TMEM204: variants seen among roughly 807,000 people sequenced by gnomAD.
TMEM204 encodes the protein transmembrane protein 204, also known as claudin-like protein 24.
Under a neutral mutation model 19.4 loss-of-function variants are expected in TMEM204, and 15 were observed. The observed-to-expected ratio is 0.77, with a 90% CI of 0.52 to 1.19. TMEM204 has a LOEUF of 1.19. TMEM204 is among the 50% of genes most tolerant of loss of function. TMEM204 has a pLI of 0.00. For missense variants in TMEM204, 287 were observed against 321.2 expected (o/e 0.89, Z 0.81); for synonymous variants, 161 against 146.0 (o/e 1.10, Z -0.74).
chr16:1,540,348 G>C (rs1473530656), intron 1 of TMEM204, among the ~76,000 whole-genome samples: 1 of 152,236 alleles, frequency 6.6e-6, no homozygotes, highest in Non-Finnish European at 1.5e-5. Flanking sequence ...TTCTAACCAC[G>C]TAAACACTCA....
intron 2 of TMEM204, among the ~76,000 whole-genome samples, chr16:1,547,698 G>A (rs75431652): frequency 6.6e-6 from 1 of 152,138 alleles, no homozygotes; most frequent in Non-Finnish European, 1.5e-5. Context: ...ACCATGCCCA[G>A]CTAATTTTTG....
chr16:1,532,648 T>C (rs1201325783), upstream of TMEM204: 1 of 152,270 alleles, frequency 6.6e-6, no homozygotes, highest in East Asian at 1.9e-4. Context: ...CTTGGGCGTG[T>C]GCCCATGAAC....
intron 1 of TMEM204, among the ~76,000 whole-genome samples, chr16:1,539,568 C>T (rs2031422372): frequency 6.6e-6 from 1 of 152,258 alleles, no homozygotes; most frequent in Non-Finnish European, 1.5e-5. Context: ...CTCTCAGCCC[C>T]CGCGTCTTCT....
rs1663151295 is a variant in TMEM204, at chr16:1,534,177, G to C, written c.-99G>C. On this transcript the variant is annotated 5_prime_UTR_variant, in exon 1 of 3. The change abolishes an upstream ATG in the 5' untranslated region. Transcript: ENST00000566264. ...CGCCGCCCCGAGGATGAGTGGTGAT[G>C]TCCTCTAGCCACCCCTAGCAGCGTC... The C allele has an allele frequency of 8.0e-6, 12 of 1,493,790 alleles. No homozygotes were observed. The highest frequency in any genetic ancestry group is 1.1e-5 in the Non-Finnish European group (12 of 1,114,896). 92.5% of individuals were successfully genotyped at this position (1,493,790 alleles called of 1,614,324 possible).
rs754325715 is a variant in TMEM204 at position 1,553,504 on chromosome 16, C to T, written c.437-1278C>T. 6.5e-5 allele frequency: 64 copies of T among 985,406 alleles called. No homozygotes were observed. The highest frequency in any genetic ancestry group is 4.5e-4 in the East Asian group (4 of 8,810). 61.0% of individuals were successfully genotyped at this position (985,406 alleles called of 1,614,324 possible). Reference sequence around the variant, plus strand: ...GGACAGCAGTGGGGCTCGGCGTGGCCGGAGCCTGGGGAGGGACATGGACAA... The same window carrying T: ...GGACAGCAGTGGGGCTCGGCGTGGCTGGAGCCTGGGGAGGGACATGGACAA... On this transcript the variant is annotated intron_variant, in intron 2 of 2. Transcript: ENST00000566264. The surrounding 1 kb of genome is among the most constrained non-coding windows in gnomAD (Gnocchi z 4.4).
chr16:1,543,609 T>A (rs565991894), intron 2 of TMEM204, among the ~76,000 whole-genome samples: 285 of 152,278 alleles, frequency 1.9e-3, no homozygotes, highest in Admixed American at 3.7e-3. Context: ...CATGCCCAAC[T>A]TCGAAAAGGG....
chr16:1,536,011 G>T (rs1165385239), intron 1 of TMEM204, among the ~76,000 whole-genome samples: 1 of 152,236 alleles, frequency 6.6e-6, no homozygotes, highest in Non-Finnish European at 1.5e-5. Flanking sequence ...CTCTCGCGGG[G>T]GCAGCGGCTT....
Position 1,555,283 on chromosome 16 carries a change from T to G in TMEM204, c.*257T>G. ...AACGCGGCTCCACGACCACACGCAC[T>G]TCAGGGTGGAAGCTGGAAGCTGAGA... On this transcript the variant is annotated 3_prime_UTR_variant, in exon 3 of 3. Coordinates refer to ENST00000566264, the MANE Select transcript of TMEM204 (RefSeq NM_024600.6). 2.1e-6 allele frequency: 1 copy of G among 481,796 alleles called. No homozygotes were observed. Among genetic ancestry groups the G allele is most frequent in the Non-Finnish European group, 3.7e-6 (1 of 270,366 alleles). The allele number at this position is 481,796 out of a possible 1,614,324, so 29.8% of individuals were successfully genotyped here. A position where few individuals can be genotyped will look rare whatever the true frequency, so the allele number is the denominator to read the frequency against.
At chr16:1,540,799 T>C (rs2031558441) in intron 1 of TMEM204, 1 of 983,078 alleles carries the variant, frequency 1.0e-6, no homozygotes, top group Non-Finnish European at 1.2e-6. Flanking sequence ...GACTTAGTTT[T>C]GGGAATCGAA....
Position 1,553,135 on chromosome 16 carries a change from T to C in TMEM204, c.437-1647T>C. 2 of 985,432 alleles carry C rather than the reference T, an allele frequency of 2.0e-6. No individual in the cohort carries two copies. Among genetic ancestry groups the C allele is most frequent in the Non-Finnish European group, 2.4e-6 (2 of 829,932 alleles). The allele number at this position is 985,432 out of a possible 1,614,324, so 61.0% of individuals were successfully genotyped here. A position where few individuals can be genotyped will look rare whatever the true frequency, so the allele number is the denominator to read the frequency against. ...TACAGTGATGATGAAAAGATAATGC[T>C]TGGGTTTTTAGGAAAAACAAGGCTG... On this transcript the variant is annotated intron_variant, in intron 2 of 2. Coordinates refer to ENST00000566264, the MANE Select transcript of TMEM204 (RefSeq NM_024600.6). The surrounding 1 kb of genome is among the most constrained non-coding windows in gnomAD (Gnocchi z 4.4).
intron 1 of TMEM204, among the ~76,000 whole-genome samples, chr16:1,539,171 A>G (rs1034084045): frequency 6.6e-6 from 1 of 151,456 alleles, no homozygotes; most frequent in African/African-American, 2.4e-5. Context: ...GCACAGTGCC[A>G]CGCCGCCCCA....
intron 2 of TMEM204, among the ~76,000 whole-genome samples, chr16:1,544,734 C>T (rs184171301): frequency 3.3e-5 from 5 of 151,800 alleles, no homozygotes; most frequent in East Asian, 3.9e-4. Context: ...CTGCAAGCTC[C>T]GCCTCCCGGG....
rs1482988685 is a variant in TMEM204, at chr16:1,553,508, G to A, written c.437-1274G>A. On this transcript the variant is annotated intron_variant, in intron 2 of 2. Coordinates refer to ENST00000566264, the MANE Select transcript of TMEM204 (RefSeq NM_024600.6). The surrounding 1 kb of genome is among the most constrained non-coding windows in gnomAD (Gnocchi z 4.4). The stretch of plus-strand genomic sequence containing the variant: ...AGCAGTGGGGCTCGGCGTGGCCGGA[G>A]CCTGGGGAGGGACATGGACAAGTCC... 2.0e-6 allele frequency: 2 copies of A among 992,654 alleles called. No individual in the cohort carries two copies. 61.5% of individuals were successfully genotyped at this position (992,654 alleles called of 1,614,324 possible).
rs190276610 is a variant in TMEM204, at chr16:1,537,786, G to A, written c.280+3231G>A. 5.1e-4 allele frequency among the ~76,000 whole-genome samples: 77 copies of A among 152,322 alleles called. 1 individual carries two copies. Among genetic ancestry groups the A allele is most frequent in the African/African-American group, 8.4e-4 (35 of 41,576 alleles). The stretch of plus-strand genomic sequence containing the variant: ...ACAGATGACCGTGTGATTGAATCTC[G>A]AGGCAGGCGAGCCAGAGCCTGGCGC... On this transcript the variant is annotated intron_variant, in intron 1 of 2. Coordinates refer to ENST00000566264, the MANE Select transcript of TMEM204 (RefSeq NM_024600.6).
intron 1 of TMEM204, among the ~76,000 whole-genome samples, chr16:1,537,329 C>A (rs1282369238): frequency 6.6e-6 from 1 of 152,262 alleles, no homozygotes; most frequent in Non-Finnish European, 1.5e-5. Context: ...CCGGACGGCT[C>A]TGTGCCCTGA....
chr16:1,529,266 CAGG>C (rs958006520), upstream of TMEM204, among the ~76,000 whole-genome samples: 3 of 152,204 alleles, frequency 2.0e-5, no homozygotes, highest in African/African-American at 7.2e-5. Context: ...TGCCTGGAGC[CAGG>C]AGAGGGTGTG....
chr16:1,529,239 G>A (rs2141206312), upstream of TMEM204, among the ~76,000 whole-genome samples: 1 of 152,364 alleles, frequency 6.6e-6, no homozygotes, highest in East Asian at 1.9e-4. Flanking sequence ...GGCAGCCCCT[G>A]CCATGTGGCA....
rs1462733925 is a variant in TMEM204, at chr16:1,553,753, G to A, written c.437-1029G>A. The A allele has an allele frequency of 8.6e-7, 1 of 1,156,786 alleles. No individual in the cohort carries two copies. Among genetic ancestry groups the A allele is most frequent in the Non-Finnish European group, 1.1e-6 (1 of 924,144 alleles). 71.7% of individuals were successfully genotyped at this position (1,156,786 alleles called of 1,614,324 possible). A position where few individuals can be genotyped will look rare whatever the true frequency, so the allele number is the denominator to read the frequency against. On this transcript the variant is annotated intron_variant, in intron 2 of 2. Coordinates refer to ENST00000566264, the MANE Select transcript of TMEM204 (RefSeq NM_024600.6). The surrounding 1 kb of genome is among the most constrained non-coding windows in gnomAD (Gnocchi z 4.4). ...CATCCCCATGGCTGTAGGGGATGAG[G>A]AGGGGCAGGGCCATGTGGACAGCCT... is the stretch of plus-strand genomic sequence containing the variant.
At chr16:1,539,250 G>A (rs938180636) in intron 1 of TMEM204, among the ~76,000 whole-genome samples, 6 of 149,076 alleles carry the variant, frequency 4.0e-5, no homozygotes, top group East Asian at 2.0e-4. Context: ...CAAGCCACAC[G>A]GTGCCAAGCC....
Sources: gnomAD v4.1 joint callset for allele counts (sites outside exome capture counted in the v4.1 genomes callset) on GRCh38, gnomAD v4.1.1 for gene constraint, Gnocchi (gnomAD v3.1) non-coding constraint, MANE v1.5 for transcripts, NCBI Gene and HGNC (gene_info 2026-07-23, HGNC 2026-07-21) for gene names.